FAM171A1: variants seen among roughly 807,000 people sequenced by gnomAD.
FAM171A1 encodes the protein protein FAM171A1.
A neutral mutation model predicts 74.9 loss-of-function variants in FAM171A1; 23 were observed. That is an observed-to-expected ratio of 0.31 (90% CI 0.22 to 0.44). The LOEUF (loss-of-function observed/expected upper bound fraction) is 0.44. FAM171A1 is among the 20% of genes least tolerant of loss of function. The pLI, the probability that FAM171A1 is intolerant of heterozygous loss-of-function variation, is 1.00. For missense variants in FAM171A1, 1,162 were observed against 1,159.2 expected (o/e 1.00, Z -0.03); for synonymous variants, 527 against 505.7 (o/e 1.04, Z -0.57).
chr10:15,298,652 T>G (rs894079626), intron 1 of FAM171A1, among the ~76,000 whole-genome samples: 4 of 152,196 alleles, frequency 2.6e-5, no homozygotes, highest in Non-Finnish European at 5.9e-5. Context: ...AAGCCATAGT[T>G]CCAACTTTTA....
Position 15,213,396 on chromosome 10 carries a change from C to T in FAM171A1, c.2192G>A (p.Gly731Glu). 5.0e-6 allele frequency: 8 copies of T among 1,614,164 alleles called. No individual in the cohort carries two copies. The highest frequency in any genetic ancestry group is 1.1e-5 in the South Asian group (1 of 91,088). ...RHSYIDLQRA[G>E]RNGSNDASLD... ...ACTGGCATCATTACTTCCGTTCCTT[C>T]CAGCTCTTTGGAGATCAATGTATGA... The change falls in exon 8 of 8, where the codon GGA becomes GAA. Residue 731 changes from glycine (G) to glutamate (E), a missense_variant. Coordinates refer to ENST00000378116, the MANE Select transcript of FAM171A1 (RefSeq NM_001010924.2). The surrounding 1 kb of genome is among the most constrained non-coding windows in gnomAD (Gnocchi z 6.8).
rs190615813 is a variant in FAM171A1 at position 15,246,519 on chromosome 10, G to T, written c.754+2120C>A. 3.3e-4 allele frequency among the ~76,000 whole-genome samples: 50 copies of T among 152,208 alleles called. 1 individual carries two copies. The East Asian group carries it at 5.2e-3, about 16-fold the overall frequency. The stretch of plus-strand genomic sequence containing the variant: ...TTTTAAATTCTGAACTGGCTTATTT[G>T]AAAACTGGTATTTTCTTTTTTCGAG... On this transcript the variant is annotated intron_variant, in intron 5 of 7. Transcript: ENST00000378116.
intron 1 of FAM171A1, among the ~76,000 whole-genome samples, chr10:15,300,606 C>G (rs1835216069): frequency 7.8e-6 from 1 of 127,938 alleles, no homozygotes; most frequent in Non-Finnish European, 1.7e-5. Context: ...CTCCCACCCC[C>G]CAAAAAAAAT....
intron 4 of FAM171A1, among the ~76,000 whole-genome samples, chr10:15,250,166 T>A (rs1834489324): frequency 6.6e-6 from 1 of 152,228 alleles, no homozygotes; most frequent in African/African-American, 2.4e-5. Context: ...CCCTACCTTT[T>A]ATCATTCATA....
chr10:15,289,834 C>A (rs978165041), intron 1 of FAM171A1, among the ~76,000 whole-genome samples: 1 of 152,224 alleles, frequency 6.6e-6, no homozygotes, highest in African/African-American at 2.4e-5. Flanking sequence ...CACAGCCACG[C>A]CCCATCATTT....
chr10:15,337,909 C>T (rs1272513214), intron 1 of FAM171A1, among the ~76,000 whole-genome samples: 1 of 152,136 alleles, frequency 6.6e-6, no homozygotes, highest in African/African-American at 2.4e-5. Context: ...CAAGATCGTG[C>T]CACTGTACTC....
intron 1 of FAM171A1, among the ~76,000 whole-genome samples, chr10:15,355,455 C>T (rs1487283635): frequency 5.3e-5 from 8 of 152,126 alleles, no homozygotes; most frequent in Non-Finnish European, 1.0e-4. Flanking sequence ...TGGTGGTTCA[C>T]GCCTGTAATC....
At chr10:15,230,264 A>T (rs1282056281) in intron 5 of FAM171A1, among the ~76,000 whole-genome samples, 1 of 152,220 alleles carries the variant, frequency 6.6e-6, no homozygotes, top group Non-Finnish European at 1.5e-5. Context: ...TACGGCTTTG[A>T]GTAGCTAGGT....
At chr10:15,267,588 C>T (rs186974870) in intron 3 of FAM171A1, among the ~76,000 whole-genome samples, 138 of 108,446 alleles carry the variant, frequency 1.3e-3, no homozygotes, top group Admixed American at 2.1e-3. Context: ...GGCAACAGAG[C>T]GAGACACCAT....
intron 5 of FAM171A1, among the ~76,000 whole-genome samples, chr10:15,229,395 G>A (rs1834153666): frequency 6.6e-6 from 1 of 151,792 alleles, no homozygotes; most frequent in Non-Finnish European, 1.5e-5. Flanking sequence ...CAGATCCATG[G>A]CAAACACTCA....
intron 1 of FAM171A1, among the ~76,000 whole-genome samples, chr10:15,366,499 C>A (rs958304203): frequency 2.6e-5 from 4 of 152,054 alleles, no homozygotes; most frequent in Non-Finnish European, 4.4e-5. Context: ...CTAAAACTGC[C>A]GTCTTTATGA....
intron 1 of FAM171A1, among the ~76,000 whole-genome samples, chr10:15,299,751 G>A (rs772047188): frequency 6.6e-6 from 1 of 152,014 alleles, no homozygotes; most frequent in Admixed American, 6.6e-5. Flanking sequence ...AGGCGAGGTG[G>A]GCGGATCATG....
intron 1 of FAM171A1, among the ~76,000 whole-genome samples, chr10:15,287,874 T>C (rs1292334715): frequency 2.0e-5 from 3 of 152,188 alleles, no homozygotes; most frequent in Non-Finnish European, 2.9e-5. Flanking sequence ...ACCCAAGTAG[T>C]GTACACTGTA....
intron 1 of FAM171A1, among the ~76,000 whole-genome samples, chr10:15,292,427 C>T (rs989780095): frequency 1.3e-5 from 2 of 152,138 alleles, no homozygotes; most frequent in African/African-American, 2.4e-5. Context: ...TTTGCTGAAA[C>T]ATTTTGAAGC....
At chr10:15,363,360 A>T (rs1423613243) in intron 1 of FAM171A1, among the ~76,000 whole-genome samples, 1 of 152,234 alleles carries the variant, frequency 6.6e-6, no homozygotes, top group African/African-American at 2.4e-5. Flanking sequence ...AACTGAGATG[A>T]AGACGATGCT....
At chr10:15,265,384 T>C (rs1588520794) in intron 3 of FAM171A1, among the ~76,000 whole-genome samples, 1 of 151,164 alleles carries the variant, frequency 6.6e-6, no homozygotes, top group Admixed American at 6.6e-5. Context: ...GAGTCCAGGG[T>C]AGGAGGATCT....
At position 15,264,078 on chromosome 10, in the gene FAM171A1, A is replaced by G. The variant is rs117892589; in HGVS notation, c.419-9199T>C. On this transcript the variant is annotated intron_variant, in intron 3 of 7. Transcript: ENST00000378116. ...ACTGCAACCTTGAACTCCTGGGCTC[A>G]AGAGATTCTCCCACTTCAGCCTCCA... is the stretch of plus-strand genomic sequence containing the variant. 2.3e-3 allele frequency among the ~76,000 whole-genome samples: 348 copies of G among 152,188 alleles called. 2 individuals are homozygous for G. Among genetic ancestry groups the G allele is most frequent in the Non-Finnish European group, 3.7e-3 (255 of 68,014 alleles).
At chr10:15,365,474 T>C (rs1399126333) in intron 1 of FAM171A1, among the ~76,000 whole-genome samples, 1 of 152,042 alleles carries the variant, frequency 6.6e-6, no homozygotes, top group Non-Finnish European at 1.5e-5. Flanking sequence ...AAATGGTAAA[T>C]GAAAGGAAGA....
At chr10:15,341,595 A>G (rs1337861437) in intron 1 of FAM171A1, among the ~76,000 whole-genome samples, 2 of 152,224 alleles carry the variant, frequency 1.3e-5, no homozygotes, top group African/African-American at 2.4e-5. Context: ...AAACAAATTA[A>G]TTAATTCAAT....
Sources: allele counts gnomAD v4.1 joint callset (sites outside exome capture counted in the v4.1 genomes callset), GRCh38; gene constraint gnomAD v4.1.1; non-coding constraint Gnocchi (gnomAD v3.1); transcripts MANE v1.5; gene names NCBI Gene and HGNC (gene_info 2026-07-23, HGNC 2026-07-21).